Variants in FIGN observed in about 807,000 individuals in gnomAD.
FIGN encodes the protein fidgetin, microtubule severing factor.
In FIGN, 11 loss-of-function variants were observed where a neutral mutation model predicts 51.3. That is an observed-to-expected ratio of 0.21 (90% CI 0.13 to 0.35). The LOEUF (loss-of-function observed/expected upper bound fraction) is 0.35, where lower values mean the gene tolerates loss of function less well. FIGN is among the 10% of genes least tolerant of loss of function. The pLI, the probability that FIGN is intolerant of heterozygous loss-of-function variation, is 1.00. For synonymous variants in FIGN, 407 were observed against 363.2 expected, an observed-to-expected ratio of 1.12 and a Z score of -1.37; for missense variants, 857 against 943.6, an observed-to-expected ratio of 0.91 and a Z score of 1.20.
At chr2:163,688,170 A>C (rs1384522464) in intron 2 of FIGN, among the ~76,000 whole-genome samples, 4 of 152,210 alleles carry the variant, frequency 2.6e-5, no homozygotes, top group Non-Finnish European at 5.9e-5. Context: ...TAATGTCTTT[A>C]TGGCAATGCC....
intron 2 of FIGN, among the ~76,000 whole-genome samples, chr2:163,718,282 T>C (rs554882636): frequency 5.9e-5 from 9 of 152,280 alleles, no homozygotes; most frequent in Admixed American, 2.0e-4. Context: ...ATTTGTTCCA[T>C]TTGCATGATG....
intron 2 of FIGN, among the ~76,000 whole-genome samples, chr2:163,733,314 G>A (rs970487152): frequency 2.6e-5 from 4 of 152,134 alleles, no homozygotes; most frequent in African/African-American, 7.2e-5. Context: ...TGTTTTTCAT[G>A]AATTATTGCA....
intron 2 of FIGN, among the ~76,000 whole-genome samples, chr2:163,731,007 A>G (rs1684919373): frequency 6.6e-6 from 1 of 152,282 alleles, no homozygotes; most frequent in African/African-American, 2.4e-5. Flanking sequence ...AGAAAGTTCA[A>G]ACCTTAAAAG....
chr2:163,658,220 G>T (rs1312256877), intron 2 of FIGN, among the ~76,000 whole-genome samples: 1 of 152,004 alleles, frequency 6.6e-6, no homozygotes, highest in Non-Finnish European at 1.5e-5. Context: ...CATCTCACAG[G>T]CCTGTCTGTG....
At chr2:163,705,770 A>C (rs2105353590) in intron 2 of FIGN, among the ~76,000 whole-genome samples, 1 of 152,164 alleles carries the variant, frequency 6.6e-6, no homozygotes, top group South Asian at 2.1e-4. Flanking sequence ...TTTTCTATTA[A>C]CATAGTGACA....
chr2:163,649,765 A>G (rs1179585259), intron 2 of FIGN, among the ~76,000 whole-genome samples: 2 of 152,254 alleles, frequency 1.3e-5, no homozygotes, highest in African/African-American at 4.8e-5. Flanking sequence ...AATTGAAGCC[A>G]AGGGTAAAAT....
chr2:163,709,282 A>G (rs1272516788), intron 2 of FIGN, among the ~76,000 whole-genome samples: 1 of 152,208 alleles, frequency 6.6e-6, no homozygotes. Context: ...ATTTAGCTAT[A>G]GAACAGCCTC....
intron 2 of FIGN, among the ~76,000 whole-genome samples, chr2:163,656,023 A>G (rs1217423502): frequency 2.0e-5 from 3 of 152,228 alleles, no homozygotes; most frequent in Non-Finnish European, 4.4e-5. Context: ...ACTACTTTGA[A>G]TTAAACGACT....
chr2:163,724,466 C>T (rs1359078366), intron 2 of FIGN, among the ~76,000 whole-genome samples: 1 of 152,040 alleles, frequency 6.6e-6, no homozygotes, highest in Non-Finnish European at 1.5e-5. Flanking sequence ...AGTTTAAAAT[C>T]TCATCTAACT....
chr2:163,698,173 C>T (rs575425672), intron 2 of FIGN, among the ~76,000 whole-genome samples: 2 of 152,288 alleles, frequency 1.3e-5, no homozygotes, highest in Admixed American at 6.5e-5. Flanking sequence ...GGGATCTGTT[C>T]ATTCCTCCAA....
intron 2 of FIGN, among the ~76,000 whole-genome samples, chr2:163,645,237 T>C (rs1196780440): frequency 6.6e-6 from 1 of 152,150 alleles, no homozygotes; most frequent in Non-Finnish European, 1.5e-5. Context: ...GGATATGGCA[T>C]GTTCAGGAAA....
intron 2 of FIGN, among the ~76,000 whole-genome samples, chr2:163,707,080 T>C (rs1362155375): frequency 6.6e-6 from 1 of 152,146 alleles, no homozygotes; most frequent in Non-Finnish European, 1.5e-5. Context: ...AAAATTTCAA[T>C]CCTCTTTTAT....
intron 2 of FIGN, chr2:163,617,033 G>T: frequency 1.2e-6 from 1 of 862,462 alleles, no homozygotes; most frequent in Non-Finnish European, 1.4e-6. Flanking sequence ...TGAAATGTTT[G>T]AGGAGACTAA....
At position 163,604,777 on chromosome 2, in the gene FIGN, TA is replaced by T. The variant is rs1452634175; in HGVS notation, c.*4774del. ...AAACTCATACACACACACACCCACA[TA>T]CAAGAGAGAGCGAGAGTTAGAGACA... On this transcript the variant is annotated 3_prime_UTR_variant, in exon 3 of 3. Transcript: ENST00000333129. 1 of 145,998 alleles carries T rather than the reference TA, an allele frequency of 6.8e-6. No individual in the cohort carries two copies. The highest frequency in any genetic ancestry group is 1.5e-5 in the Non-Finnish European group (1 of 66,420). The allele number at this position is 145,998 out of a possible 1,614,324, so 9.0% of individuals were successfully genotyped here.
intron 2 of FIGN, among the ~76,000 whole-genome samples, chr2:163,635,049 T>C (rs1683204875): frequency 6.6e-6 from 1 of 152,234 alleles, no homozygotes; most frequent in Non-Finnish European, 1.5e-5. Flanking sequence ...AAATAATACC[T>C]GTTGCTGTTT....
intron 2 of FIGN, among the ~76,000 whole-genome samples, chr2:163,726,258 C>T (rs1252161115): frequency 6.6e-6 from 1 of 152,040 alleles, no homozygotes; most frequent in Admixed American, 6.6e-5. Context: ...GCTTAATCTT[C>T]TGAATAATGC....
rs1293276456 is a variant in FIGN, at chr2:163,609,987, A to G, written c.1845T>C (p.Thr615=). Residue 615 remains threonine (T), a synonymous_variant, in exon 3 of 3, where the codon ACT becomes ACC. Coordinates refer to ENST00000333129, the MANE Select transcript of FIGN (RefSeq NM_018086.4). ...TTTGGTCCTCAGCCGAAGTTAGTAC[A>G]GTGTCCAGTTGCATCAGAAATTCGG... ...MRTEFLMQLD[T]VLTSAEDQIV... 1.2e-6 allele frequency: 2 copies of G among 1,614,016 alleles called. No individual in the cohort carries two copies. Among genetic ancestry groups the G allele is most frequent in the East Asian group, 2.2e-5 (1 of 44,874 alleles).
At chr2:163,722,575 A>G (rs1684774760) in intron 2 of FIGN, among the ~76,000 whole-genome samples, 1 of 152,198 alleles carries the variant, frequency 6.6e-6, no homozygotes, top group Non-Finnish European at 1.5e-5. Flanking sequence ...ATAGTGATTT[A>G]AAGCTATTTG....
At chr2:163,629,286 G>A (rs1245304686) in intron 2 of FIGN, among the ~76,000 whole-genome samples, 1 of 152,192 alleles carries the variant, frequency 6.6e-6, no homozygotes, top group Non-Finnish European at 1.5e-5. Context: ...GTGTTTAATT[G>A]TAGCACATAC....
Sources: allele counts gnomAD v4.1 joint callset (sites outside exome capture counted in the v4.1 genomes callset), GRCh38; gene constraint gnomAD v4.1.1; transcripts MANE v1.5; gene names NCBI Gene and HGNC (gene_info 2026-07-23, HGNC 2026-07-21).